STK33: variants seen among roughly 807,000 people sequenced by gnomAD.
STK33 encodes the protein serine/threonine kinase 33.
Under a neutral mutation model 58.0 loss-of-function variants are expected in STK33, and 52 were observed. The ratio of observed to expected loss-of-function variants is 0.90; its 90% CI spans 0.72 to 1.13. The LOEUF (loss-of-function observed/expected upper bound fraction) is 1.13. STK33 is among the 50% of genes most tolerant of loss of function. STK33 has a pLI of 0.00. For synonymous variants in STK33, 215 were observed against 200.1 expected (o/e 1.07, Z -0.63); for missense variants, 630 against 604.2 (o/e 1.04, Z -0.45).
chr11:8,374,786 G>A, the STK33 span, among the ~76,000 whole-genome samples: 2 of 152,182 alleles, frequency 1.3e-5, no homozygotes, highest in Non-Finnish European at 2.9e-5. Context: ...CAAACAGAGT[G>A]TTTCAATTAC....
chr11:8,481,967 CAAT>C, intron 1 of STK33, among the ~76,000 whole-genome samples: 2 of 152,260 alleles, frequency 1.3e-5, no homozygotes, highest in Non-Finnish European at 2.9e-5. Context: ...GAGTAACTAA[CAAT>C]AACTGGTTTG....
At chr11:8,470,549 G>C (rs573399517) in intron 6 of STK33, among the ~76,000 whole-genome samples, 15 of 152,286 alleles carry the variant, frequency 9.8e-5, no homozygotes, top group African/African-American at 3.4e-4. Flanking sequence ...TAAAAACTTG[G>C]TTAAATGGTG....
intron 1 of STK33, among the ~76,000 whole-genome samples, chr11:8,483,687 G>C (rs890750571): frequency 7.9e-5 from 12 of 152,152 alleles, no homozygotes; most frequent in Non-Finnish European, 1.6e-4. Context: ...AGAGCATCAA[G>C]AATAGGCTCC....
At chr11:8,484,851 T>A (rs1049014529) in intron 1 of STK33, among the ~76,000 whole-genome samples, 16 of 152,282 alleles carry the variant, frequency 1.1e-4, no homozygotes, top group African/African-American at 3.8e-4. Flanking sequence ...CAATTGGTGA[T>A]TCTGTTGCCC....
At chr11:8,457,265 C>T (rs1345010170) in intron 9 of STK33, 76 bp downstream of exon 9, 2 of 1,302,806 alleles carry the variant, frequency 1.5e-6, no homozygotes, top group South Asian at 2.5e-5. Context: ...GACTATGAAT[C>T]TGGAATACAA....
chr11:8,577,707 T>C (rs991304319), intron 1 of STK33, among the ~76,000 whole-genome samples: 3 of 152,272 alleles, frequency 2.0e-5, no homozygotes, highest in Non-Finnish European at 2.9e-5. Context: ...GCAGAAGCTA[T>C]GAAGGTGTAA....
intron 1 of STK33, among the ~76,000 whole-genome samples, chr11:8,512,159 T>G (rs1243053527): frequency 6.6e-6 from 1 of 152,216 alleles, no homozygotes; most frequent in Non-Finnish European, 1.5e-5. Context: ...ATCTATAGAT[T>G]AATTCTCCTT....
chr11:8,378,294 G>A, the STK33 span, among the ~76,000 whole-genome samples: 2 of 152,230 alleles, frequency 1.3e-5, no homozygotes, highest in Non-Finnish European at 2.9e-5. Context: ...CGAGGTGGGT[G>A]GATCACCTGA....
At chr11:8,442,400 G>C (rs1944868318) in intron 11 of STK33, among the ~76,000 whole-genome samples, 1 of 152,100 alleles carries the variant, frequency 6.6e-6, no homozygotes, top group African/African-American at 2.4e-5. Context: ...ACACAGCAGG[G>C]GACGGGAAAT....
At chr11:8,592,473 T>C (rs1219948652) in intron 1 of STK33, among the ~76,000 whole-genome samples, 6 of 152,162 alleles carry the variant, frequency 3.9e-5, no homozygotes, top group Admixed American at 1.3e-4. Context: ...ATAATGCTAA[T>C]ATGGGTGTCA....
the STK33 span, among the ~76,000 whole-genome samples, chr11:8,361,856 C>T: frequency 6.6e-6 from 1 of 152,234 alleles, no homozygotes; most frequent in East Asian, 1.9e-4. This position sits in a 1 kb window ranked among gnomAD's most constrained non-coding sequence, Gnocchi z 4.8. Context: ...CTGCTGGATC[C>T]CCTGCCCCAT....
chr11:8,450,001 C>T lies in STK33; in HGVS notation c.871+2821G>A, dbSNP rs1448669132. ...ATTGTGGAATACAGTGTGGTGATTC[C>T]TCAAGGATCTAGAACTAGAAATACC... On this transcript the variant is annotated intron_variant, in intron 11 of 15. Coordinates refer to ENST00000687296, the MANE Select transcript of STK33 (RefSeq NM_001352389.2). Among the ~76,000 whole-genome samples, 6 of 152,118 alleles carry T rather than the reference C, an allele frequency of 3.9e-5. No homozygotes were observed. In the South Asian group the frequency reaches 1.0e-3, roughly 26 times the overall value.
chr11:8,504,059 A>T (rs1479266799), intron 1 of STK33, among the ~76,000 whole-genome samples: 1 of 152,184 alleles, frequency 6.6e-6, no homozygotes, highest in Non-Finnish European at 1.5e-5. Flanking sequence ...AAAAATAGTC[A>T]TTTGTTTGCT....
At chr11:8,363,204 G>A in the STK33 span, among the ~76,000 whole-genome samples, 3 of 152,148 alleles carry the variant, frequency 2.0e-5, no homozygotes, top group Admixed American at 1.3e-4. Context: ...CGAGGGAAGA[G>A]AGTGAAGAAG....
chr11:8,423,841 T>A (rs1942305418), intron 14 of STK33, among the ~76,000 whole-genome samples: 1 of 152,076 alleles, frequency 6.6e-6, no homozygotes, highest in Non-Finnish European at 1.5e-5. Flanking sequence ...CTCCATGCAA[T>A]GTTGTCAATT....
intron 1 of STK33, among the ~76,000 whole-genome samples, chr11:8,491,045 A>T (rs1047079835): frequency 2.0e-5 from 3 of 152,226 alleles, no homozygotes; most frequent in East Asian, 3.8e-4. Context: ...CCTCCAAAGG[A>T]TTGCAGCTCC....
rs530050346 is a variant in STK33 at position 8,526,569 on chromosome 11, A to G, written c.-465-45955T>C. On this transcript the variant is annotated intron_variant, in intron 1 of 15. Coordinates refer to ENST00000687296, the MANE Select transcript of STK33 (RefSeq NM_001352389.2). ...AAAATACATGTACCTGAATGTTCAG[A>G]GCAGGATAATTCATAGCAATAAAAA... Among the ~76,000 whole-genome samples the G allele has an allele frequency of 7.2e-5, 11 of 152,288 alleles. No homozygotes were observed. The East Asian group carries it at 1.7e-3, about 24-fold the overall frequency.
At chr11:8,387,659 C>T, downstream of STK33, among the ~76,000 whole-genome samples, 1 of 152,160 alleles carries the variant, frequency 6.6e-6, no homozygotes, top group Non-Finnish European at 1.5e-5. Flanking sequence ...AGCTCAAAGT[C>T]CAGCTTGCAA....
chr11:8,493,041 G>C (rs1950756006), intron 1 of STK33, among the ~76,000 whole-genome samples: 1 of 152,088 alleles, frequency 6.6e-6, no homozygotes, highest in Non-Finnish European at 1.5e-5. Flanking sequence ...AAAAGAACTA[G>C]AGAAGCAAGA....
Sources: allele counts gnomAD v4.1 joint callset (sites outside exome capture counted in the v4.1 genomes callset), GRCh38; gene constraint gnomAD v4.1.1; non-coding constraint Gnocchi (gnomAD v3.1); transcripts MANE v1.5; gene names NCBI Gene and HGNC (gene_info 2026-07-23, HGNC 2026-07-21).